ABCG8: variants seen among roughly 807,000 people sequenced by gnomAD.
ABCG8 encodes the protein ATP-binding cassette sub-family G member 8.
Under a neutral mutation model 71.3 loss-of-function variants are expected in ABCG8, and 81 were observed. The observed-to-expected ratio is 1.14, with a 90% CI of 0.95 to 1.37. The LOEUF is 1.37. Ranked by LOEUF, ABCG8 falls within the 40% of genes most tolerant of loss-of-function variation. The pLI is 0.00. For synonymous variants in ABCG8, 451 were observed against 354.7 expected (o/e 1.27, Z -3.05); for missense variants, 1,119 against 866.2 (o/e 1.29, Z -3.66).
intron 6 of ABCG8, among the ~76,000 whole-genome samples, chr2:43,853,198 C>T (rs1025553764): frequency 1.2e-4 from 18 of 152,206 alleles, no homozygotes; most frequent in African/African-American, 4.3e-4. Flanking sequence ...AGGGAAACAA[C>T]CTTTAAGGTC....
intron 6 of ABCG8, 55 bp from the exon 7 acceptor site, chr2:43,871,921 T>A: frequency 3.1e-6 from 5 of 1,612,174 alleles, no homozygotes; most frequent in Non-Finnish European, 4.2e-6. Context: ...GCTCTTCACC[T>A]GTGAGCAGGT....
chr2:43,841,921 A>G (rs141174263), intron 1 of ABCG8, among the ~76,000 whole-genome samples: 18 of 152,308 alleles, frequency 1.2e-4, no homozygotes, highest in Admixed American at 3.3e-4. Flanking sequence ...GCTCATTTAC[A>G]TTGTCTAATA....
At chr2:43,863,249 C>T (rs932321406) in intron 6 of ABCG8, among the ~76,000 whole-genome samples, 2 of 151,330 alleles carry the variant, frequency 1.3e-5, no homozygotes, top group African/African-American at 4.8e-5. Flanking sequence ...AGAATTCTCA[C>T]CATCGGGATA....
At chr2:43,846,696 C>G in intron 3 of ABCG8, 1 of 321,260 alleles carries the variant, frequency 3.1e-6, no homozygotes, top group Non-Finnish European at 6.1e-6. Context: ...CTGATTATGG[C>G]CAGACAGCCC....
At position 43,839,033 on chromosome 2, in the gene ABCG8, G is replaced by A. The variant is rs1054093595; in HGVS notation, c.-21G>A. On this transcript the variant is annotated 5_prime_UTR_variant, in exon 1 of 13. Transcript: ENST00000272286. ...TGGGTCTAAGAGAGCTGCAGCCCAG[G>A]GTCACAGACCTGTGGGCCCCATGGC... 5.2e-6 allele frequency: 8 copies of A among 1,550,392 alleles called. No individual in the cohort carries two copies. In the African/African-American group the frequency reaches 1.1e-4, roughly 21 times the overall value.
chr2:43,842,013 A>T (rs549262188), intron 1 of ABCG8, among the ~76,000 whole-genome samples: 1 of 149,298 alleles, frequency 6.7e-6, no homozygotes, highest in African/African-American at 2.5e-5. Flanking sequence ...AATGGATAAG[A>T]TTTTTTTTTT....
intron 3 of ABCG8, 120 bp from the exon 4 acceptor site, chr2:43,851,464 C>T: frequency 7.2e-6 from 8 of 1,114,730 alleles, no homozygotes; most frequent in Non-Finnish European, 9.5e-6. Flanking sequence ...TCTCTAGGGG[C>T]TGGTCACATC....
intron 1 of ABCG8, among the ~76,000 whole-genome samples, chr2:43,840,823 G>T (rs1428224401): frequency 6.6e-6 from 1 of 152,074 alleles, no homozygotes; most frequent in Non-Finnish European, 1.5e-5. Flanking sequence ...ACCCTGGATG[G>T]TCACCCTCCT....
chr2:43,844,545 C>A lies in ABCG8; in HGVS notation c.102C>A (p.Asn34Lys). 6.2e-7 allele frequency: 1 copy of A among 1,614,242 alleles called. No individual in the cohort carries two copies. Among genetic ancestry groups the A allele is most frequent in the Non-Finnish European group, 8.5e-7 (1 of 1,180,036 alleles). Reference protein sequence around the residue: ...QDRLFSSESDNSLYFTYSGQP... With the variant: ...QDRLFSSESDKSLYFTYSGQP... ...GATTGTTCTCCTCTGAAAGTGACAA[C>A]AGCCTGTACTTCACCTACAGTGGCC... Residue 34 changes from asparagine (N) to lysine (K), a missense_variant, in exon 2 of 13, where the codon AAC (asparagine) becomes AAA (lysine). Transcript: ENST00000272286.
intron 10 of ABCG8, 81 bp downstream of exon 10, chr2:43,874,564 G>A (rs574000628): frequency 8.2e-7 from 1 of 1,214,358 alleles, no homozygotes; most frequent in South Asian, 1.2e-5. Flanking sequence ...CTACAAGGAA[G>A]GCTTTTCTGA....
chr2:43,840,419 T>G (rs1218964537), intron 1 of ABCG8, among the ~76,000 whole-genome samples: 2 of 152,188 alleles, frequency 1.3e-5, no homozygotes, highest in Non-Finnish European at 2.9e-5. Context: ...CACCACAGCT[T>G]GAGAGGCAAA....
At chr2:43,844,352 C>T (rs1421774657) in intron 1 of ABCG8, among the ~76,000 whole-genome samples, 155 bp from the exon 2 acceptor site, 2 of 152,192 alleles carry the variant, frequency 1.3e-5, no homozygotes, top group South Asian at 2.1e-4. Flanking sequence ...TCCCAAAGCC[C>T]TGAGGTTCCA....
intron 11 of ABCG8, 58 bp from the exon 12 acceptor site, chr2:43,877,503 T>C (rs1669996309): frequency 2.5e-6 from 4 of 1,611,234 alleles, no homozygotes; most frequent in Admixed American, 1.7e-5. Flanking sequence ...CATGCGAATA[T>C]GGGGAAACCA....
intron 6 of ABCG8, among the ~76,000 whole-genome samples, chr2:43,870,587 C>A (rs1558847283): frequency 6.6e-6 from 1 of 151,980 alleles, no homozygotes; most frequent in South Asian, 2.1e-4. Flanking sequence ...ATAGAACTCT[C>A]ACTATCTGGA....
In ABCG8 at chr2:43,852,350, A is replaced by G; in HGVS notation, c.562-4A>G. 1.2e-6 allele frequency: 2 copies of G among 1,612,160 alleles called. No homozygotes were observed. Among genetic ancestry groups the G allele is most frequent in the Non-Finnish European group, 1.7e-6 (2 of 1,179,982 alleles). On this transcript the variant is annotated splice_polypyrimidine_tract_variant and splice_region_variant and intron_variant, in intron 4 of 12. Transcript: ENST00000272286. ...GTGGCCTCAAAGCTCCTTCTGGCCC[A>G]CAGGTGGAGGACGTGATCGCGGAGC...
In ABCG8 at chr2:43,873,777, G is replaced by C. The variant is rs765938367; in HGVS notation, c.1212-10G>C. Reference sequence around the variant, plus strand: ...TGTTGCCTCAGCATCTCTTCCTTTTGGTTTTTAAGTCGTCAGATTTCCAAC... The same window carrying C: ...TGTTGCCTCAGCATCTCTTCCTTTTCGTTTTTAAGTCGTCAGATTTCCAAC... On this transcript the variant is annotated splice_polypyrimidine_tract_variant and intron_variant, in intron 8 of 12. Transcript: ENST00000272286. 6 of 1,613,824 alleles carry C rather than the reference G, an allele frequency of 3.7e-6. 1 individual carries two copies. The Admixed American group carries it at 5.0e-5, about 13-fold the overall frequency.
At chr2:43,848,791 G>C (rs1668822589) in intron 3 of ABCG8, among the ~76,000 whole-genome samples, 1 of 151,990 alleles carries the variant, frequency 6.6e-6, no homozygotes, top group Non-Finnish European at 1.5e-5. Context: ...TGAGGCAAGT[G>C]GATCACCTGA....
intron 6 of ABCG8, among the ~76,000 whole-genome samples, chr2:43,853,672 A>G (rs1669002693): frequency 6.6e-6 from 1 of 152,194 alleles, no homozygotes; most frequent in Non-Finnish European, 1.5e-5. Flanking sequence ...GCCAGGCTCA[A>G]AGGGTCTCCT....
In ABCG8 at chr2:43,878,456, T is replaced by C; in HGVS notation, c.*543T>C. On this transcript the variant is annotated 3_prime_UTR_variant, in exon 13 of 13. Coordinates refer to ENST00000272286, the MANE Select transcript of ABCG8 (RefSeq NM_022437.3). ...GCCAACGTGAACAATTAAAAATGTATTGAGCATCTACTCTGTAGCAGGTCC... is the reference window on the plus strand; with the variant it reads ...GCCAACGTGAACAATTAAAAATGTACTGAGCATCTACTCTGTAGCAGGTCC... 1 of 213,022 alleles carries C rather than the reference T, an allele frequency of 4.7e-6. No individual in the cohort carries two copies. Among genetic ancestry groups the C allele is most frequent in the Non-Finnish European group, 9.6e-6 (1 of 103,920 alleles). 13.2% of individuals were successfully genotyped at this position (213,022 alleles called of 1,614,324 possible). A position where few individuals can be genotyped will look rare whatever the true frequency, so the allele number is the denominator to read the frequency against.
Sources: gnomAD v4.1 joint callset for allele counts (sites outside exome capture counted in the v4.1 genomes callset) on GRCh38, gnomAD v4.1.1 for gene constraint, MANE v1.5 for transcripts, NCBI Gene and HGNC (gene_info 2026-07-23, HGNC 2026-07-21) for gene names.